The following SORBS2 variants were observed in gnomAD, a reference collection of about 807,000 sequenced individuals.
The protein encoded by SORBS2 is sorbin and SH3 domain-containing protein 2.
SORBS2 carries 46 observed loss-of-function variants against 97.7 expected under a neutral mutation model. That is an observed-to-expected ratio of 0.47 (90% CI 0.37 to 0.60). SORBS2 has a LOEUF of 0.60. SORBS2 is among the 20% of genes least tolerant of loss of function. SORBS2 has a pLI of 0.00. For synonymous variants in SORBS2, 476 were observed against 473.4 expected, an observed-to-expected ratio of 1.01 and a Z score of -0.07; for missense variants, 1,316 against 1,282.3, an observed-to-expected ratio of 1.03 and a Z score of -0.40.
intron 1 of SORBS2, among the ~76,000 whole-genome samples, chr4:185,776,569 A>G (rs1385379231): frequency 2.0e-5 from 3 of 152,138 alleles, no homozygotes; most frequent in Non-Finnish European, 4.4e-5. Context: ...TACTGCTGAG[A>G]GGCTTTCCAT....
chr4:185,767,224 C>T (rs1311993396), intron 2 of SORBS2, among the ~76,000 whole-genome samples: 2 of 152,100 alleles, frequency 1.3e-5, no homozygotes, highest in East Asian at 1.9e-4. Context: ...GCTGGCCGGG[C>T]GCGGTGGCTC....
intron 2 of SORBS2, chr4:185,757,113 A>G: frequency 1.8e-6 from 1 of 548,668 alleles, no homozygotes; most frequent in East Asian, 3.9e-5. Flanking sequence ...AAAAGCAGGA[A>G]GCACACTGTC....
chr4:185,688,634 T>A (rs567161232), intron 2 of SORBS2, among the ~76,000 whole-genome samples: 22 of 152,312 alleles, frequency 1.4e-4, no homozygotes, highest in African/African-American at 5.3e-4. Context: ...CATCTGTCTA[T>A]CTGTAGATAG....
chr4:185,627,305 G>A (rs2096831685), intron 5 of SORBS2, among the ~76,000 whole-genome samples: 1 of 152,168 alleles, frequency 6.6e-6, no homozygotes. Context: ...AAACTCCTGG[G>A]CTCAAGGGAT....
chr4:185,657,024 C>G (rs372999372), upstream of SORBS2: 6 of 739,416 alleles, frequency 8.1e-6, no homozygotes, highest in South Asian at 2.0e-4. Context: ...ACGAACACAT[C>G]ACTGCTTTAT....
chr4:185,689,288 T>C (rs1237594791), intron 2 of SORBS2, among the ~76,000 whole-genome samples: 1 of 152,196 alleles, frequency 6.6e-6, no homozygotes, highest in Non-Finnish European at 1.5e-5. Context: ...TCAGGAAATA[T>C]CACTTCCTCA....
intron 1 of SORBS2, chr4:185,919,410 C>T (rs1022637140): frequency 1.3e-5 from 2 of 152,172 alleles, no homozygotes; most frequent in African/African-American, 4.8e-5. Context: ...AAGTCTCCAT[C>T]TTAGCCATTT....
At chr4:185,907,768 C>A (rs1307628243) in intron 1 of SORBS2, among the ~76,000 whole-genome samples, 2 of 152,170 alleles carry the variant, frequency 1.3e-5, no homozygotes, top group Non-Finnish European at 2.9e-5. Flanking sequence ...CCTTCCCTCT[C>A]TCCTTCCTGT....
At chr4:185,837,952 GCTTTT>G (rs1372538669) in intron 1 of SORBS2, among the ~76,000 whole-genome samples, 4 of 151,858 alleles carry the variant, frequency 2.6e-5, no homozygotes, top group Admixed American at 2.0e-4. Context: ...TTGTTTGTTT[GCTTTT>G]CTTTGAATGT....
At chr4:185,654,793 G>C (rs2097369464) in intron 1 of SORBS2, among the ~76,000 whole-genome samples, 1 of 109,900 alleles carries the variant, frequency 9.1e-6, no homozygotes, top group Non-Finnish European at 2.0e-5. Context: ...ATAGCTACTA[G>C]CAATTCACTA....
chr4:185,615,172 C>G lies in SORBS2; in HGVS notation c.2352-13G>C. 3 of 1,462,566 alleles carry G rather than the reference C, an allele frequency of 2.1e-6. No individual in the cohort carries two copies. Among genetic ancestry groups the G allele is most frequent in the Admixed American group, 3.3e-5 (2 of 59,810 alleles). The allele number at this position is 1,462,566 out of a possible 1,614,324, so 90.6% of individuals were successfully genotyped here. On this transcript the variant is annotated splice_polypyrimidine_tract_variant and intron_variant, in intron 9 of 14. Transcript: ENST00000418609. ...AAATGACAACTCCCTGGAAGAGACA[C>G]GTTGACATGGTCTTTTTGTGATGTA...
At position 185,817,690 on chromosome 4, in the gene SORBS2, CA is replaced by C. The variant is rs1270009846; in HGVS notation, c.-337-42325del. Among the ~76,000 whole-genome samples the C allele has an allele frequency of 2.6e-5, 4 of 152,190 alleles. No homozygotes were observed. In the South Asian group the frequency reaches 8.3e-4, roughly 32 times the overall value. ...ACCAGGCTCAGCAAACAAAACCTGG[CA>C]AGAAGGATTTTAAAACAAATGCTTC... On this transcript the variant is annotated intron_variant, in intron 1 of 20. Transcript: ENST00000284776.
At chr4:185,863,326 C>G (rs945835105) in intron 1 of SORBS2, among the ~76,000 whole-genome samples, 1 of 152,084 alleles carries the variant, frequency 6.6e-6, no homozygotes, top group African/African-American at 2.4e-5. Flanking sequence ...ATATGCAGTC[C>G]TATAAGGATA....
intron 4 of SORBS2, among the ~76,000 whole-genome samples, chr4:185,633,322 G>A (rs1423677763): frequency 6.6e-6 from 1 of 152,084 alleles, no homozygotes; most frequent in African/African-American, 2.4e-5. Context: ...AGAACCTTAA[G>A]AGAATATATT....
intron 2 of SORBS2, among the ~76,000 whole-genome samples, chr4:185,712,830 G>A (rs1327036110): frequency 3.3e-5 from 5 of 152,198 alleles, no homozygotes; most frequent in Admixed American, 3.3e-4. Context: ...CCCCTCGCAA[G>A]TGCCGTGAAG....
At chr4:185,869,032 T>C (rs1372307203) in intron 1 of SORBS2, among the ~76,000 whole-genome samples, 1 of 152,176 alleles carries the variant, frequency 6.6e-6, no homozygotes, top group African/African-American at 2.4e-5. Context: ...GGCCAAGAAC[T>C]TGCCTTTGGT....
intron 1 of SORBS2, among the ~76,000 whole-genome samples, chr4:185,859,516 A>G (rs2099222475): frequency 6.6e-6 from 1 of 152,144 alleles, no homozygotes; most frequent in African/African-American, 2.4e-5. Context: ...TCTCCTCTGC[A>G]AGATCACTCT....
At chr4:185,666,652 A>G (rs2097606387) in intron 4 of SORBS2, among the ~76,000 whole-genome samples, 1 of 152,216 alleles carries the variant, frequency 6.6e-6, no homozygotes, top group Admixed American at 6.5e-5. Context: ...TTCCTGGTTT[A>G]TGAATCTAAA....
At position 185,907,532 on chromosome 4, in the gene SORBS2, G is replaced by A. The variant is rs182796543; in HGVS notation, c.-338+48664C>T. Among the ~76,000 whole-genome samples, 107 of 152,264 alleles carry A rather than the reference G, an allele frequency of 7.0e-4. 1 individual carries two copies. The East Asian group carries it at 0.018, about 26-fold the overall frequency. ...GTGGCCTGGATGTTTATGTTTAGCT[G>A]TTTTTCTGGAGAGCTTTGCTTCTTG... On this transcript the variant is annotated intron_variant, in intron 1 of 20. Coordinates refer to the SORBS2 transcript ENST00000284776.
Sources: gnomAD v4.1 joint callset for allele counts (sites outside exome capture counted in the v4.1 genomes callset) on GRCh38, gnomAD v4.1.1 for gene constraint, MANE v1.5 for transcripts, NCBI Gene and HGNC (gene_info 2026-07-23, HGNC 2026-07-21) for gene names.